Variants in CTNNA2 observed in about 807,000 individuals in gnomAD.
CTNNA2 encodes catenin alpha-2.
A neutral mutation model predicts 101.0 loss-of-function variants in CTNNA2; 42 were observed. The observed-to-expected ratio is 0.42, with a 90% CI of 0.32 to 0.54. The LOEUF is 0.54. CTNNA2 is among the 20% of genes least tolerant of loss of function. CTNNA2 has a pLI of 0.14. For missense variants in CTNNA2, 871 were observed against 1,223.1 expected, an observed-to-expected ratio of 0.71 and a Z score of 4.29; for synonymous variants, 450 against 456.4, an observed-to-expected ratio of 0.99 and a Z score of 0.18.
At chr2:80,095,612 G>A (rs1700094274) in intron 7 of CTNNA2, among the ~76,000 whole-genome samples, 1 of 152,176 alleles carries the variant, frequency 6.6e-6, no homozygotes, top group Non-Finnish European at 1.5e-5. Flanking sequence ...AGTAGAATTT[G>A]GCTGTGAATC....
intron 2 of CTNNA2, among the ~76,000 whole-genome samples, chr2:79,312,328 C>A (rs1199038409): frequency 6.6e-6 from 1 of 152,186 alleles, no homozygotes; most frequent in East Asian, 1.9e-4. Context: ...TAGTCAATGT[C>A]TTTTTGCTTA....
intron 7 of CTNNA2, among the ~76,000 whole-genome samples, chr2:80,183,144 A>G (rs1393196230): frequency 1.3e-5 from 2 of 152,168 alleles, no homozygotes; most frequent in Non-Finnish European, 2.9e-5. Context: ...CTAAATGTCA[A>G]TAGATCCCCC....
intron 7 of CTNNA2, among the ~76,000 whole-genome samples, chr2:80,004,966 G>A (rs1190541341): frequency 6.6e-6 from 1 of 152,166 alleles, no homozygotes; most frequent in Non-Finnish European, 1.5e-5. Flanking sequence ...AAAGTGCTGG[G>A]ATTACAGGTG....
chr2:79,215,063 G>A (rs770677382), intron 2 of CTNNA2, among the ~76,000 whole-genome samples: 21 of 152,226 alleles, frequency 1.4e-4, no homozygotes, highest in Admixed American at 2.0e-4. Flanking sequence ...TGAGGCGATC[G>A]GGCAGCGTCA....
intron 2 of CTNNA2, chr2:79,687,622 C>A: frequency 1.5e-6 from 1 of 684,572 alleles, no homozygotes. Flanking sequence ...GTATTGCTGA[C>A]TGTCATCTTG....
chr2:79,814,638 C>CACACATAT (rs145584853), intron 3 of CTNNA2, among the ~76,000 whole-genome samples: 15,541 of 146,304 alleles, frequency 0.11, 812 homozygotes, highest in Admixed American at 0.15. Context: ...CACACACACA[C>CACACATAT]ATATATATAT....
intron 7 of CTNNA2, among the ~76,000 whole-genome samples, chr2:80,375,576 T>TTC (rs1675870650): frequency 7.0e-6 from 1 of 142,488 alleles, no homozygotes; most frequent in Non-Finnish European, 1.5e-5. Flanking sequence ...TTTTTTTTTT[T>TTC]TTTTTTGAGA....
At chr2:79,855,432 C>T (rs1032306847) in intron 3 of CTNNA2, among the ~76,000 whole-genome samples, 2 of 152,168 alleles carry the variant, frequency 1.3e-5, no homozygotes, top group South Asian at 4.1e-4. Flanking sequence ...CCGATGGTGC[C>T]GCTAAGACAG....
chr2:80,545,223 G>T, intron 10 of CTNNA2, 149 bp downstream of exon 10: 2 of 761,314 alleles, frequency 2.6e-6, no homozygotes, highest in Non-Finnish European at 2.1e-6. Flanking sequence ...TTCTCAGAAA[G>T]AATAAACCAT....
intron 7 of CTNNA2, among the ~76,000 whole-genome samples, chr2:80,032,178 G>A (rs1024585921): frequency 1.3e-5 from 2 of 151,866 alleles, no homozygotes; most frequent in African/African-American, 2.4e-5. Flanking sequence ...AGGACATGAG[G>A]AGCGTTTTGA....
intron 4 of CTNNA2, among the ~76,000 whole-genome samples, chr2:79,497,082 T>C (rs1671263807): frequency 6.6e-6 from 1 of 152,182 alleles, no homozygotes; most frequent in South Asian, 2.1e-4. Context: ...CATTTTAAAA[T>C]AAGGAGTTTT....
chr2:80,026,428 C>T (rs1694929456), intron 7 of CTNNA2, among the ~76,000 whole-genome samples: 1 of 152,164 alleles, frequency 6.6e-6, no homozygotes, highest in Admixed American at 6.5e-5. Flanking sequence ...AGAGCTGTGA[C>T]TTAACCTTTC....
upstream of CTNNA2, among the ~76,000 whole-genome samples, chr2:79,510,917 C>CATTACAT (rs1671520958): frequency 9.2e-5 from 14 of 152,120 alleles, no homozygotes; most frequent in Admixed American, 9.2e-4. Context: ...CTTTTGTGGT[C>CATTACAT]TACATTATTT....
At chr2:79,358,569 C>A (rs1017137996) in intron 3 of CTNNA2, among the ~76,000 whole-genome samples, 2 of 152,096 alleles carry the variant, frequency 1.3e-5, no homozygotes, top group African/African-American at 4.8e-5. Context: ...TGGAAATTTT[C>A]TCTTAAAACA....
intron 8 of CTNNA2, among the ~76,000 whole-genome samples, chr2:80,394,282 T>A (rs1373284261): frequency 1.3e-5 from 2 of 152,204 alleles, no homozygotes; most frequent in African/African-American, 2.4e-5. Flanking sequence ...TGGAAATGAT[T>A]TGAATGAGAG....
At position 79,286,201 on chromosome 2, in the gene CTNNA2, T is replaced by C. The variant is rs1193595917; in HGVS notation, c.-405-26508T>C. Among the ~76,000 whole-genome samples, 3 of 152,326 alleles carry C rather than the reference T, an allele frequency of 2.0e-5. No homozygotes were observed. The South Asian group carries it at 6.2e-4, about 32-fold the overall frequency. The stretch of plus-strand genomic sequence containing the variant: ...ACAGCACACTGATGGGTCTTGACTC[T>C]TTATCCAATTTGCCAGTCTGTGTCT... On this transcript the variant is annotated intron_variant, in intron 2 of 21. Coordinates refer to the CTNNA2 transcript ENST00000466387.
intron 9 of CTNNA2, among the ~76,000 whole-genome samples, chr2:80,475,391 G>A (rs1469352260): frequency 6.6e-6 from 1 of 151,960 alleles, no homozygotes; most frequent in Non-Finnish European, 1.5e-5. Flanking sequence ...GTTGAGAGGT[G>A]GTGCAAAATA....
At chr2:80,297,484 T>A (rs911593003) in intron 7 of CTNNA2, among the ~76,000 whole-genome samples, 1 of 152,180 alleles carries the variant, frequency 6.6e-6, no homozygotes, top group Non-Finnish European at 1.5e-5. Context: ...CCATCTCATT[T>A]ATATCTTTGT....
chr2:79,699,301 A>G (rs1194551946), intron 2 of CTNNA2, among the ~76,000 whole-genome samples: 1 of 152,062 alleles, frequency 6.6e-6, no homozygotes, highest in Admixed American at 6.6e-5. Context: ...ATTTACTTCA[A>G]TTTTCCATTC....
Sources: allele counts gnomAD v4.1 joint callset (sites outside exome capture counted in the v4.1 genomes callset), GRCh38; gene constraint gnomAD v4.1.1; transcripts MANE v1.5; gene names NCBI Gene and HGNC (gene_info 2026-07-23, HGNC 2026-07-21).